MAK: variants seen among roughly 807,000 people sequenced by gnomAD.
MAK encodes the protein male germ cell associated kinase, also known as serine/threonine-protein kinase MAK.
Under a neutral mutation model 82.6 loss-of-function variants are expected in MAK, and 65 were observed. That is an observed-to-expected ratio of 0.79 (90% confidence interval 0.64 to 0.97). The LOEUF (loss-of-function observed/expected upper bound fraction) is 0.97, where lower values mean the gene tolerates loss of function less well. Ranked by LOEUF, MAK falls within the 50% of genes least tolerant of loss-of-function variation. MAK has a pLI of 0.00. For missense variants in MAK, 703 were observed against 780.2 expected (o/e 0.90, Z 1.18); for synonymous variants, 250 against 274.2 (o/e 0.91, Z 0.87).
chr6:10,786,446 A>G (rs868538362), intron 10 of MAK, among the ~76,000 whole-genome samples: 19 of 138,536 alleles, frequency 1.4e-4, no homozygotes, highest in Admixed American at 3.6e-4. Context: ...TCACCACTCC[A>G]CTAATGCACC....
In MAK at chr6:10,770,261, GA is replaced by G. The variant is rs3839410; in HGVS notation, c.1673-32del. 24 of 1,612,708 alleles carry G rather than the reference GA, an allele frequency of 1.5e-5. No homozygotes were observed. In the East Asian group the frequency reaches 4.9e-4, roughly 33 times the overall value. ...GACATATCATAAAGTTTCACAGTCA[GA>G]AGGTGAATATTTTAGGCACAGTAGA... is the stretch of plus-strand genomic sequence containing the variant. On this transcript the variant is annotated intron_variant, in intron 13 of 14. Transcript: ENST00000354489.
At chr6:10,778,338 G>T (rs1279239323) in intron 11 of MAK, among the ~76,000 whole-genome samples, 1 of 152,146 alleles carries the variant, frequency 6.6e-6, no homozygotes, top group Non-Finnish European at 1.5e-5. Context: ...GGTGGAGGGG[G>T]CAAATAACAG....
chr6:10,811,966 G>A (rs1776966975), intron 5 of MAK, among the ~76,000 whole-genome samples: 1 of 152,202 alleles, frequency 6.6e-6, no homozygotes, highest in South Asian at 2.1e-4. Context: ...TCCGGAGGCT[G>A]AGGTTGGAGG....
intron 14 of MAK, among the ~76,000 whole-genome samples, chr6:10,768,249 T>C (rs988996906): frequency 6.6e-6 from 1 of 152,130 alleles, no homozygotes; most frequent in Non-Finnish European, 1.5e-5. Flanking sequence ...ACAAAATAAT[T>C]TGAAACATTA....
intron 4 of MAK, 108 bp from the exon 5 acceptor site, chr6:10,813,831 G>T (rs1777250362): frequency 2.7e-6 from 2 of 745,346 alleles, no homozygotes; most frequent in Non-Finnish European, 2.5e-6. Flanking sequence ...TCACGATACT[G>T]GTTAAACCTA....
intron 4 of MAK, among the ~76,000 whole-genome samples, chr6:10,814,380 G>A (rs1777296408): frequency 1.3e-5 from 2 of 152,112 alleles, no homozygotes; most frequent in African/African-American, 4.8e-5. Context: ...TGAAGAATTT[G>A]AGAGATGGCC....
intron 9 of MAK, among the ~76,000 whole-genome samples, chr6:10,794,548 A>G (rs989794663): frequency 1.3e-5 from 2 of 152,234 alleles, no homozygotes; most frequent in Non-Finnish European, 2.9e-5. Context: ...ACAGTGCTGT[A>G]TAAGACCGAT....
rs940285502 is a variant in MAK, at chr6:10,797,699, C to T, written c.832-1390G>A. The T allele has an allele frequency of 8.2e-5, 91 of 1,107,854 alleles. No homozygotes were observed. In the African/African-American group the frequency reaches 1.5e-3, roughly 18 times the overall value. The allele number at this position is 1,107,854 out of a possible 1,614,324, so 68.6% of individuals were successfully genotyped here. On this transcript the variant is annotated intron_variant, in intron 8 of 14. Coordinates refer to ENST00000354489, the MANE Select transcript of MAK (RefSeq NM_001242957.3). ...GTTCCCCTGAACCTCCTGCCTTTAGCCAGTCCCCACATAGGTGGGAACATA... is the reference window on the plus strand; with the variant it reads ...GTTCCCCTGAACCTCCTGCCTTTAGTCAGTCCCCACATAGGTGGGAACATA...
intron 1 of MAK, among the ~76,000 whole-genome samples, chr6:10,833,639 T>C (rs934121732): frequency 7.0e-6 from 1 of 143,820 alleles, no homozygotes; most frequent in South Asian, 2.2e-4. Context: ...ATAATAATAA[T>C]AGGGAGTACG....
intron 6 of MAK, among the ~76,000 whole-genome samples, chr6:10,805,363 G>A (rs1776349839): frequency 6.6e-6 from 1 of 152,084 alleles, no homozygotes; most frequent in Admixed American, 6.6e-5. Flanking sequence ...CAAGGCGGGT[G>A]AATCATGAGG....
chr6:10,777,060 A>G lies in MAK; in HGVS notation c.1466-1601T>C, dbSNP rs566692015. 5.9e-5 allele frequency among the ~76,000 whole-genome samples: 9 copies of G among 152,004 alleles called. No individual in the cohort carries two copies. The East Asian group carries it at 1.7e-3, about 30-fold the overall frequency. Reference sequence around the variant, plus strand: ...GAGACTCCATTTCAAAAGAAAAAAAAAAAAGGCAACTACCTAACCATAAAG... The same window carrying G: ...GAGACTCCATTTCAAAAGAAAAAAAGAAAAGGCAACTACCTAACCATAAAG... On this transcript the variant is annotated intron_variant, in intron 11 of 14. Transcript: ENST00000354489.
At chr6:10,780,704 T>C (rs1049522336) in intron 11 of MAK, among the ~76,000 whole-genome samples, 2 of 151,938 alleles carry the variant, frequency 1.3e-5, no homozygotes, top group East Asian at 1.9e-4. Flanking sequence ...CCACCCGCCT[T>C]AGCCTCCCAA....
intron 1 of MAK, among the ~76,000 whole-genome samples, chr6:10,832,721 A>T (rs1581781609): frequency 6.6e-6 from 1 of 151,722 alleles, no homozygotes; most frequent in Non-Finnish European, 1.5e-5. Flanking sequence ...CTGGTCTCAA[A>T]CTCCTGACCT....
chr6:10,779,352 C>T, intron 11 of MAK: 1 of 985,162 alleles, frequency 1.0e-6, no homozygotes, highest in South Asian at 4.7e-5. Flanking sequence ...TGGTGCAGTC[C>T]CATCGTAAGT....
chr6:10,781,907 A>G (rs1438472819), intron 11 of MAK, among the ~76,000 whole-genome samples: 4 of 152,010 alleles, frequency 2.6e-5, no homozygotes, highest in Non-Finnish European at 4.4e-5. Context: ...TACATCAACA[A>G]CGACAAAAAA....
At position 10,822,748 on chromosome 6, in the gene MAK, C is replaced by T. The variant is rs570312300; in HGVS notation, c.102-3808G>A. Among the ~76,000 whole-genome samples the T allele has an allele frequency of 2.2e-4, 33 of 152,232 alleles. No individual in the cohort carries two copies. In the East Asian group the frequency reaches 6.4e-3, roughly 29 times the overall value. Reference sequence around the variant, plus strand: ...GGCAATGAACAAATAAGAGATGGTACCATGGTGTTCCCATCTGACACAGGA... The same window carrying T: ...GGCAATGAACAAATAAGAGATGGTATCATGGTGTTCCCATCTGACACAGGA... On this transcript the variant is annotated intron_variant, in intron 2 of 14. Transcript: ENST00000354489.
chr6:10,804,699 G>A (rs529613829), intron 6 of MAK, among the ~76,000 whole-genome samples: 1 of 152,244 alleles, frequency 6.6e-6, no homozygotes, highest in South Asian at 2.1e-4. Flanking sequence ...GTGAGCTGGT[G>A]AGTCCAACAC....
chr6:10,765,369 A>G (rs191626730), intron 14 of MAK, among the ~76,000 whole-genome samples: 1 of 151,732 alleles, frequency 6.6e-6, no homozygotes, highest in African/African-American at 2.4e-5. Context: ...CTGTGGCTTC[A>G]TGGAAGAACA....
intron 8 of MAK, among the ~76,000 whole-genome samples, chr6:10,798,599 A>T (rs944350606): frequency 5.9e-5 from 9 of 152,044 alleles, no homozygotes; most frequent in African/African-American, 2.2e-4. Flanking sequence ...GACAACCAAG[A>T]CTAACATTTT....
Sources: gnomAD v4.1 joint callset for allele counts (sites outside exome capture counted in the v4.1 genomes callset) on GRCh38, gnomAD v4.1.1 for gene constraint, MANE v1.5 for transcripts, NCBI Gene and HGNC (gene_info 2026-07-23, HGNC 2026-07-21) for gene names.